RBFOX1: variants seen among roughly 807,000 people sequenced by gnomAD.
RBFOX1 encodes the protein RNA binding fox-1 homolog 1.
In RBFOX1, 8 loss-of-function variants were observed where a neutral mutation model predicts 57.7. That is an observed-to-expected ratio of 0.14 (90% CI 0.08 to 0.25). RBFOX1 has a LOEUF of 0.25. RBFOX1 is among the 10% of genes least tolerant of loss of function. The pLI is 1.00. For missense variants in RBFOX1, 611 were observed against 548.5 expected (o/e 1.11, Z -1.14); for synonymous variants, 326 against 222.4 (o/e 1.47, Z -4.15).
chr16:6,017,394 A>G (rs552983305), upstream of RBFOX1, among the ~76,000 whole-genome samples: 75 of 152,338 alleles, frequency 4.9e-4, no homozygotes, highest in African/African-American at 1.7e-3. Flanking sequence ...GCATGGCTAG[A>G]CAATTACATT....
rs936021267 is a variant in RBFOX1, at chr16:5,986,888, C to T, written c.351+119553C>T. 3.3e-5 allele frequency among the ~76,000 whole-genome samples: 5 copies of T among 152,046 alleles called. No homozygotes were observed. In the East Asian group the frequency reaches 7.7e-4, roughly 23 times the overall value. ...GTTGTAATTTCTTTAGGACAGATGC[C>T]GAAGCGTACAACTGCCGGATCGTGT... On this transcript the variant is annotated intron_variant, in intron 4 of 19. Coordinates refer to the RBFOX1 transcript ENST00000641259.
chr16:6,165,015 T>C (rs2096906991), intron 1 of RBFOX1, among the ~76,000 whole-genome samples: 1 of 152,186 alleles, frequency 6.6e-6, no homozygotes, highest in Admixed American at 6.5e-5. Context: ...TAATATTATA[T>C]AAAACACTTT....
At chr16:6,007,869 T>C (rs924792347) in intron 4 of RBFOX1, among the ~76,000 whole-genome samples, 20 of 151,982 alleles carry the variant, frequency 1.3e-4, no homozygotes, top group African/African-American at 4.8e-4. Context: ...CTGTAGGAAG[T>C]GATTTAGGGG....
intron 3 of RBFOX1, among the ~76,000 whole-genome samples, chr16:6,878,935 C>G (rs773094999): frequency 1.2e-4 from 18 of 151,930 alleles, no homozygotes; most frequent in Non-Finnish European, 2.2e-4. Flanking sequence ...TTTTTTTCCC[C>G]TATGTTAGGG....
chr16:6,133,134 G>A lies in RBFOX1; in HGVS notation c.-127+113142G>A, dbSNP rs73529926. ...CTTCTCTGGAGGTATCTGGATGGAA[G>A]AGAAAACTTCTGTGATGCTGGGGCT... On this transcript the variant is annotated intron_variant, in intron 1 of 15. Transcript: ENST00000550418. Among the ~76,000 whole-genome samples, 376 of 152,116 alleles carry A rather than the reference G, an allele frequency of 2.5e-3. 1 individual carries two copies. Among genetic ancestry groups the A allele is most frequent in the African/African-American group, 8.7e-3 (363 of 41,500 alleles).
intron 3 of RBFOX1, among the ~76,000 whole-genome samples, chr16:6,830,109 G>T (rs1021074007): frequency 6.7e-6 from 1 of 150,244 alleles, no homozygotes; most frequent in Non-Finnish European, 1.5e-5. Context: ...TGGAGACAAG[G>T]TTTTACCATG....
At chr16:6,841,970 C>T (rs568494426) in intron 3 of RBFOX1, among the ~76,000 whole-genome samples, 152 of 110,586 alleles carry the variant, frequency 1.4e-3, no homozygotes, top group African/African-American at 6.4e-3. Context: ...AACCCCGTCT[C>T]TATTAAAAAA....
In RBFOX1 at chr16:6,744,938, G is replaced by C. The variant is rs1603501428; in HGVS notation, c.-16+90288G>C. Among the ~76,000 whole-genome samples the C allele has an allele frequency of 1.3e-5, 2 of 151,962 alleles. 1 individual carries two copies. Among genetic ancestry groups the C allele is most frequent in the South Asian group, 4.1e-4 (2 of 4,822 alleles). On this transcript the variant is annotated intron_variant, in intron 3 of 15. Transcript: ENST00000550418. The stretch of plus-strand genomic sequence containing the variant: ...AATTAGTAAAATCAATACACTTTTA[G>C]CCAGGCTTAGTAAAGTTAAGGAGAA...
intron 1 of RBFOX1, among the ~76,000 whole-genome samples, chr16:6,288,734 G>C (rs1215528505): frequency 6.6e-6 from 1 of 152,106 alleles, no homozygotes; most frequent in Admixed American, 6.6e-5. Flanking sequence ...GCTGAAGCAA[G>C]GTCTTAGGTC....
intron 4 of RBFOX1, among the ~76,000 whole-genome samples, chr16:7,448,407 G>A (rs986726955): frequency 1.3e-5 from 2 of 152,194 alleles, no homozygotes; most frequent in African/African-American, 4.8e-5. Flanking sequence ...AATCATGGTG[G>A]AAGGCAAAGG....
chr16:5,954,301 A>G (rs2059581030), intron 4 of RBFOX1, among the ~76,000 whole-genome samples: 1 of 152,146 alleles, frequency 6.6e-6, no homozygotes, highest in African/African-American at 2.4e-5. Context: ...ACAGGCCCTC[A>G]GGTGAGCATC....
chr16:5,319,139 AAACAAAC>A (rs2064327235), intron 1 of RBFOX1, among the ~76,000 whole-genome samples: 1 of 152,076 alleles, frequency 6.6e-6, no homozygotes, highest in African/African-American at 2.4e-5. Flanking sequence ...ACAAACAAAC[AAACAAAC>A]AAACAAAAAA....
chr16:6,923,682 C>T (rs937740995), intron 3 of RBFOX1, among the ~76,000 whole-genome samples: 3 of 152,148 alleles, frequency 2.0e-5, no homozygotes, highest in Non-Finnish European at 4.4e-5. Context: ...TTACTCTTTA[C>T]CCCTTGACTG....
chr16:7,282,346 G>A (rs1268003145), intron 4 of RBFOX1, among the ~76,000 whole-genome samples: 1 of 152,168 alleles, frequency 6.6e-6, no homozygotes, highest in African/African-American at 2.4e-5. Flanking sequence ...GCAAGGCACA[G>A]GGTCTTAGGA....
At chr16:5,506,938 C>G (rs1236183568) in intron 2 of RBFOX1, among the ~76,000 whole-genome samples, 1 of 152,136 alleles carries the variant, frequency 6.6e-6, no homozygotes, top group African/African-American at 2.4e-5. Context: ...AGTCTTTCTT[C>G]AAGTCTTGAC....
At chr16:7,630,187 G>A (rs1012984739) in intron 10 of RBFOX1, among the ~76,000 whole-genome samples, 6 of 152,070 alleles carry the variant, frequency 3.9e-5, no homozygotes, top group Admixed American at 3.3e-4. Flanking sequence ...CTGTTTTCCA[G>A]ATGGAAACAC....
At chr16:5,494,524 T>C (rs980155594) in intron 2 of RBFOX1, among the ~76,000 whole-genome samples, 6 of 152,212 alleles carry the variant, frequency 3.9e-5, no homozygotes, top group Admixed American at 3.3e-4. Flanking sequence ...AGGCAGATGC[T>C]GTGGTCCAAG....
At chr16:6,505,797 G>T (rs1415036416) in intron 2 of RBFOX1, among the ~76,000 whole-genome samples, 1 of 152,168 alleles carries the variant, frequency 6.6e-6, no homozygotes, top group African/African-American at 2.4e-5. Context: ...TGGAGGCAGT[G>T]GTTCTGATAA....
intron 2 of RBFOX1, among the ~76,000 whole-genome samples, chr16:5,544,305 C>G (rs557761945): frequency 6.6e-6 from 1 of 152,038 alleles, no homozygotes; most frequent in Non-Finnish European, 1.5e-5. Context: ...TTTTTTGAAA[C>G]CAGCACATGT....
Sources: gnomAD v4.1 joint callset for allele counts (sites outside exome capture counted in the v4.1 genomes callset) on GRCh38, gnomAD v4.1.1 for gene constraint, MANE v1.5 for transcripts, NCBI Gene and HGNC (gene_info 2026-07-23, HGNC 2026-07-21) for gene names.